Variants in TTC17 observed in about 807,000 individuals in gnomAD.
TTC17 encodes tetratricopeptide repeat protein 17.
A neutral mutation model predicts 143.8 loss-of-function variants in TTC17; 58 were observed. The observed-to-expected ratio is 0.40, with a 90% confidence interval of 0.33 to 0.50. The LOEUF is 0.50. Ranked by LOEUF, TTC17 falls within the 20% of genes least tolerant of loss-of-function variation. The probability of loss-of-function intolerance (pLI) is 0.49; values close to 1 mark genes in which losing one functional copy is unlikely to be tolerated. For missense variants in TTC17, 1,273 were observed against 1,392.5 expected (o/e 0.91, Z 1.37); for synonymous variants, 501 against 497.8 (o/e 1.01, Z -0.09).
intron 21 of TTC17, among the ~76,000 whole-genome samples, chr11:43,464,864 G>A (rs1267229815): frequency 6.6e-6 from 1 of 152,202 alleles, no homozygotes; most frequent in Non-Finnish European, 1.5e-5. Context: ...AGGTCCTGCT[G>A]AGAAGGGAAG....
intron 21 of TTC17, among the ~76,000 whole-genome samples, chr11:43,481,802 G>GA: frequency 6.6e-6 from 1 of 151,588 alleles, no homozygotes. Flanking sequence ...GAATTTTATT[G>GA]ATTTTTTTTG....
chr11:43,444,125 G>C lies in TTC17; in HGVS notation c.2581G>C (p.Glu861Gln). 6.2e-7 allele frequency: 1 copy of C among 1,613,246 alleles called. No homozygotes were observed. Among genetic ancestry groups the C allele is most frequent in the Non-Finnish European group, 8.5e-7 (1 of 1,179,612 alleles). Residue 861 changes from glutamate (E) to glutamine (Q), a missense_variant, in exon 18 of 24, where the codon GAA becomes CAA. Transcript: ENST00000039989. ...DHKKTPGKKV[E>Q]TGQIENGHRY... The stretch of plus-strand genomic sequence containing the variant: ...TAAGAAAACTCCTGGGAAAAAAGTA[G>C]AAACAGGTCAGATAGAAAATGGACA...
intron 16 of TTC17, among the ~76,000 whole-genome samples, chr11:43,418,926 A>G (rs1474826775): frequency 6.6e-6 from 1 of 152,154 alleles, no homozygotes; most frequent in Non-Finnish European, 1.5e-5. Context: ...TCTACTACTA[A>G]AGTAATCTAG....
chr11:43,448,219 A>T, intron 19 of TTC17, 97 bp downstream of exon 19: 2 of 1,512,678 alleles, frequency 1.3e-6, no homozygotes, highest in Non-Finnish European at 1.8e-6. Flanking sequence ...TAGAAGAGTT[A>T]TCCTTTCTAG....
Position 43,448,004 on chromosome 11 carries a change from A to C in TTC17, c.2668A>C (p.Lys890Gln). ...TTCATGGCATACTTTCCTTCCAGGA[A>C]AAAAACGTGACTACCAGCGTCTGGG... The part of the protein sequence containing the change: ...PKVASPGPQG[K>Q]KRDYQRLGWP... The change falls in exon 19 of 24, where the codon AAA (lysine) becomes CAA (glutamine). Residue 890 changes from lysine (K) to glutamine (Q), a missense_variant and splice_region_variant. This residue lies in a region of TTC17 where 878 missense variants were observed against 899.8 expected (regional missense o/e 0.98). Coordinates refer to ENST00000039989, the MANE Select transcript of TTC17 (RefSeq NM_018259.6). 6.2e-7 allele frequency: 1 copy of C among 1,613,750 alleles called. No individual in the cohort carries two copies. Among genetic ancestry groups the C allele is most frequent in the South Asian group, 1.1e-5 (1 of 91,026 alleles).
intron 15 of TTC17, among the ~76,000 whole-genome samples, chr11:43,411,019 TGTCCCCCA>T (rs1212427292): frequency 1.3e-5 from 2 of 152,238 alleles, no homozygotes; most frequent in Admixed American, 6.5e-5. Context: ...CTTCTGCCAT[TGTCCCCCA>T]GTCTGTTCTC....
intron 21 of TTC17, among the ~76,000 whole-genome samples, chr11:43,464,121 C>CA (rs763018502): frequency 5.2e-4 from 78 of 150,604 alleles, no homozygotes; most frequent in Middle Eastern, 3.4e-3. Flanking sequence ...ACTAAAAATA[C>CA]AAAAAAAAAT....
chr11:43,461,426 A>T (rs921414154), intron 21 of TTC17, among the ~76,000 whole-genome samples: 1 of 149,192 alleles, frequency 6.7e-6, no homozygotes, highest in Non-Finnish European at 1.5e-5. Flanking sequence ...ACTAGAAGCC[A>T]TTGTAACAAC....
At chr11:43,388,874 G>T (rs1409672278) in intron 2 of TTC17, among the ~76,000 whole-genome samples, 1 of 151,904 alleles carries the variant, frequency 6.6e-6, no homozygotes, top group Non-Finnish European at 1.5e-5. Context: ...TATTTAGGGG[G>T]CTGAGGCAGG....
chr11:43,442,926 C>T (rs1947455657), intron 16 of TTC17, among the ~76,000 whole-genome samples: 1 of 152,166 alleles, frequency 6.6e-6, no homozygotes, highest in Admixed American at 6.5e-5. Flanking sequence ...GGACACACAG[C>T]TATGTCCAGA....
intron 21 of TTC17, among the ~76,000 whole-genome samples, chr11:43,483,322 T>A (rs1353210414): frequency 1.3e-5 from 2 of 152,088 alleles, no homozygotes; most frequent in African/African-American, 4.8e-5. Context: ...GACATACCAG[T>A]TAATTCCTTG....
intron 9 of TTC17, 132 bp downstream of exon 9, chr11:43,400,180 T>C: frequency 9.7e-7 from 1 of 1,029,714 alleles, no homozygotes; most frequent in Non-Finnish European, 1.4e-6. Context: ...CTCGAAAGCA[T>C]GATTCATCAC....
At chr11:43,362,490 A>G (rs1028182295) in intron 1 of TTC17, among the ~76,000 whole-genome samples, 1 of 152,178 alleles carries the variant, frequency 6.6e-6, no homozygotes, top group Non-Finnish European at 1.5e-5. Flanking sequence ...TGGTGGGTTG[A>G]AAAGGGGGTT....
intron 23 of TTC17, among the ~76,000 whole-genome samples, chr11:43,492,438 C>T (rs561185160): frequency 6.6e-6 from 1 of 152,312 alleles, no homozygotes; most frequent in South Asian, 2.1e-4. Flanking sequence ...TTCCTGGAGA[C>T]ACCACCTGTT....
chr11:43,367,981 A>AC (rs1455544567), intron 1 of TTC17, among the ~76,000 whole-genome samples: 1 of 152,214 alleles, frequency 6.6e-6, no homozygotes, highest in Non-Finnish European at 1.5e-5. Context: ...GACACATAGT[A>AC]TACACTGAGG....
chr11:43,396,086 G>A (rs1857579637), intron 5 of TTC17: 1 of 152,032 alleles, frequency 6.6e-6, no homozygotes, highest in South Asian at 2.1e-4. Flanking sequence ...AATATCTAAA[G>A]TTAATAATAT....
Position 43,403,984 on chromosome 11 carries a change from G to GT in TTC17, c.1333-11dup. 6.4e-7 allele frequency: 1 copy of GT among 1,567,758 alleles called. No individual in the cohort carries two copies. Among genetic ancestry groups the GT allele is most frequent in the Non-Finnish European group, 8.6e-7 (1 of 1,156,608 alleles). On this transcript the variant is annotated splice_polypyrimidine_tract_variant and intron_variant, in intron 10 of 23. Transcript: ENST00000039989. ...CACTTTCAATTTGATTGAACTTTTT[G>GT]TTTCATTTTCTAGTTTGGTGAGGAT...
At chr11:43,492,424 C>T (rs1031483693) in intron 23 of TTC17, among the ~76,000 whole-genome samples, 1 of 152,198 alleles carries the variant, frequency 6.6e-6, no homozygotes, top group Non-Finnish European at 1.5e-5. Flanking sequence ...GATTTACCTA[C>T]AGTTTCCTGG....
intron 2 of TTC17, among the ~76,000 whole-genome samples, chr11:43,383,844 CA>C (rs1310313390): frequency 6.7e-5 from 10 of 149,394 alleles, no homozygotes; most frequent in Admixed American, 5.3e-4. Flanking sequence ...AAACCAAAAA[CA>C]AAAAAAAATA....
Sources: allele counts gnomAD v4.1 joint callset (sites outside exome capture counted in the v4.1 genomes callset), GRCh38; gene constraint gnomAD v4.1.1; regional missense constraint gnomAD v4.1.1; transcripts MANE v1.5; gene names NCBI Gene and HGNC (gene_info 2026-07-23, HGNC 2026-07-21).